Variants in RAB10 observed in about 807,000 individuals in gnomAD.
RAB10 encodes ras-related protein Rab-10.
Under a neutral mutation model 25.7 loss-of-function variants are expected in RAB10, and 5 were observed. That is an observed-to-expected ratio of 0.19 (90% CI 0.10 to 0.41). The LOEUF (loss-of-function observed/expected upper bound fraction) is 0.41. RAB10 is among the 10% of genes least tolerant of loss of function. The pLI is 1.00. For missense variants in RAB10, 103 were observed against 245.8 expected (o/e 0.42, Z 3.89); for synonymous variants, 89 against 86.4 (o/e 1.03, Z -0.16).
intron 1 of RAB10, among the ~76,000 whole-genome samples, chr2:26,097,413 G>A (rs1448832524): frequency 6.6e-6 from 1 of 152,038 alleles, no homozygotes; most frequent in East Asian, 2.0e-4. Context: ...AGCTGGGATT[G>A]CAAGCATGCC....
intron 1 of RAB10, among the ~76,000 whole-genome samples, chr2:26,070,405 A>G (rs1666599813): frequency 6.6e-6 from 1 of 152,314 alleles, no homozygotes; most frequent in African/African-American, 2.4e-5. Flanking sequence ...TTTCACAGTC[A>G]CTTAAAGTGA....
chr2:26,122,867 A>G (rs1347883113), intron 3 of RAB10, among the ~76,000 whole-genome samples: 1 of 152,094 alleles, frequency 6.6e-6, no homozygotes, highest in Non-Finnish European at 1.5e-5. Flanking sequence ...CAAGTCTTTA[A>G]TGCAGTTAAA....
At chr2:26,068,304 C>G (rs1224813938) in intron 1 of RAB10, among the ~76,000 whole-genome samples, 1 of 152,084 alleles carries the variant, frequency 6.6e-6, no homozygotes, top group Non-Finnish European at 1.5e-5. Flanking sequence ...TTGTGCAGAG[C>G]CTGGTAGTCC....
intron 1 of RAB10, among the ~76,000 whole-genome samples, chr2:26,047,455 G>A (rs559806939): frequency 1.3e-5 from 2 of 150,202 alleles, no homozygotes; most frequent in East Asian, 2.0e-4. Context: ...TTGTTCTGTC[G>A]CCTAGGCTGG....
At chr2:26,072,305 A>C (rs936143780) in intron 1 of RAB10, among the ~76,000 whole-genome samples, 2 of 152,114 alleles carry the variant, frequency 1.3e-5, no homozygotes, top group African/African-American at 4.8e-5. Context: ...ATTCTCAGCT[A>C]CTCGGGAGGC....
At chr2:26,095,786 C>G (rs1309261499) in intron 1 of RAB10, among the ~76,000 whole-genome samples, 1 of 152,126 alleles carries the variant, frequency 6.6e-6, no homozygotes, top group African/African-American at 2.4e-5. Flanking sequence ...GTGGCACATA[C>G]CTGTAGTCCC....
intron 5 of RAB10, among the ~76,000 whole-genome samples, chr2:26,129,459 GTT>G (rs1667970124): frequency 6.6e-6 from 1 of 152,084 alleles, no homozygotes; most frequent in Non-Finnish European, 1.5e-5. Flanking sequence ...TAACCAACCA[GTT>G]TTCTTTCTCC....
At chr2:26,060,236 A>G (rs1247405052) in intron 1 of RAB10, among the ~76,000 whole-genome samples, 1 of 152,110 alleles carries the variant, frequency 6.6e-6, no homozygotes, top group East Asian at 1.9e-4. Flanking sequence ...AAGTGCTTTT[A>G]TATCTATTAC....
intron 3 of RAB10, among the ~76,000 whole-genome samples, chr2:26,116,454 A>C (rs1433569754): frequency 6.7e-6 from 1 of 150,190 alleles, no homozygotes; most frequent in African/African-American, 2.4e-5. Context: ...GCAGGACTTG[A>C]GTATGCATGG....
chr2:26,080,003 C>G (rs555997768), intron 1 of RAB10, among the ~76,000 whole-genome samples: 1 of 152,154 alleles, frequency 6.6e-6, no homozygotes, highest in Non-Finnish European at 1.5e-5. Context: ...CCCTGAAGAA[C>G]TTGTTTATTT....
chr2:26,081,201 A>C (rs1035215804), intron 1 of RAB10, among the ~76,000 whole-genome samples: 1 of 152,118 alleles, frequency 6.6e-6, no homozygotes, highest in African/African-American at 2.4e-5. Flanking sequence ...CAGCCATGTG[A>C]AATGTAAGTC....
At chr2:26,090,258 T>C (rs961320639) in intron 1 of RAB10, among the ~76,000 whole-genome samples, 5 of 152,230 alleles carry the variant, frequency 3.3e-5, no homozygotes, top group African/African-American at 1.2e-4. Context: ...GGATATAGGT[T>C]GAAAGTATTT....
At chr2:26,089,448 A>G (rs1371433943) in intron 1 of RAB10, among the ~76,000 whole-genome samples, 3 of 150,612 alleles carry the variant, frequency 2.0e-5, no homozygotes, top group Admixed American at 6.6e-5. Context: ...AGAGAGAGTG[A>G]TGGATTGAAT....
At chr2:26,072,002 C>T (rs895848190) in intron 1 of RAB10, among the ~76,000 whole-genome samples, 5 of 152,006 alleles carry the variant, frequency 3.3e-5, no homozygotes, top group Admixed American at 1.3e-4. Context: ...TAATGAAATA[C>T]GCCAACATTT....
intron 5 of RAB10, among the ~76,000 whole-genome samples, chr2:26,131,232 C>T (rs564328368): frequency 6.6e-6 from 1 of 152,052 alleles, no homozygotes; most frequent in African/African-American, 2.4e-5. Context: ...TTGTCTTGGA[C>T]CACATATAAA....
rs908813377 is a variant in RAB10 at position 26,110,291 on chromosome 2, T to C, written c.327+385T>C. On this transcript the variant is annotated intron_variant, in intron 3 of 5. Coordinates refer to ENST00000264710, the MANE Select transcript of RAB10 (RefSeq NM_016131.5). ...AGGTAGAGGTTGCAATGAGCCAAGA[T>C]TGCGCCACTGCACTCCAGCCTGGGC... Among the ~76,000 whole-genome samples the C allele has an allele frequency of 2.5e-4, 37 of 150,906 alleles. 1 individual carries two copies. Among genetic ancestry groups the C allele is most frequent in the South Asian group, 1.9e-3 (9 of 4,750 alleles).
chr2:26,076,946 AG>A (rs1295261199), intron 1 of RAB10, among the ~76,000 whole-genome samples: 4 of 146,402 alleles, frequency 2.7e-5, no homozygotes, highest in Admixed American at 6.8e-5. Context: ...AAAAAAAAAG[AG>A]AAAAAAAAAA....
intron 1 of RAB10, among the ~76,000 whole-genome samples, chr2:26,035,334 C>G (rs146014986): frequency 6.6e-6 from 1 of 152,206 alleles, no homozygotes. Context: ...TTCGAGACAT[C>G]AACAGAAGCA....
At chr2:26,049,545 A>G (rs1666087724) in intron 1 of RAB10, among the ~76,000 whole-genome samples, 1 of 151,626 alleles carries the variant, frequency 6.6e-6, no homozygotes, top group Non-Finnish European at 1.5e-5. Flanking sequence ...AGTAGGTGGG[A>G]TTACAGGCAC....
Sources: allele counts gnomAD v4.1 joint callset (sites outside exome capture counted in the v4.1 genomes callset), GRCh38; gene constraint gnomAD v4.1.1; transcripts MANE v1.5; gene names NCBI Gene and HGNC (gene_info 2026-07-23, HGNC 2026-07-21).